Variants in BIRC6 observed in about 807,000 individuals in gnomAD.
The protein encoded by BIRC6 is baculoviral IAP repeat containing 6, also known as dual E2 ubiquitin-conjugating enzyme/E3 ubiquitin-protein ligase BIRC6.
In BIRC6, 98 loss-of-function variants were observed where a neutral mutation model predicts 503.3. The ratio of observed to expected loss-of-function variants is 0.19; its 90% CI spans 0.17 to 0.23. The LOEUF (loss-of-function observed/expected upper bound fraction) is 0.23. Among genes scored for constraint, BIRC6 ranks in the 10% least tolerant of loss-of-function variants. BIRC6 has a pLI of 1.00. For synonymous variants in BIRC6, 2,240 were observed against 2,078.7 expected (o/e 1.08, Z -2.11); for missense variants, 5,360 against 5,806.0 (o/e 0.92, Z 2.50).
At chr2:32,481,801 A>G (rs2050431944) in intron 38 of BIRC6, among the ~76,000 whole-genome samples, 1 of 152,040 alleles carries the variant, frequency 6.6e-6, no homozygotes, top group Non-Finnish European at 1.5e-5. Flanking sequence ...TTGAAAGGGA[A>G]GTTTTCAGTC....
chr2:32,476,909 A>G (rs902983292), intron 34 of BIRC6, among the ~76,000 whole-genome samples: 2 of 152,172 alleles, frequency 1.3e-5, no homozygotes, highest in Non-Finnish European at 2.9e-5. Context: ...ATTTTGAGGG[A>G]TACCGTGTAT....
chr2:32,527,960 A>G (rs1317006835), intron 59 of BIRC6: 4 of 152,184 alleles, frequency 2.6e-5, no homozygotes, highest in African/African-American at 9.7e-5. Context: ...TTAACAACAG[A>G]ATGAAAAACC....
In BIRC6 at chr2:32,401,635, T is replaced by TTA; in HGVS notation, c.1418+12_1418+13insTA. 6.2e-7 allele frequency: 1 copy of TTA among 1,606,874 alleles called. No individual in the cohort carries two copies. Among genetic ancestry groups the TTA allele is most frequent in the Non-Finnish European group, 8.5e-7 (1 of 1,177,038 alleles). Reference sequence around the variant, plus strand: ...TTGGAAGGAGATAGGTATGTGAGTTTGTTTTAGTAGTATTTAATAGATGTT... The same window carrying TTA: ...TTGGAAGGAGATAGGTATGTGAGTTTTAGTTTTAGTAGTATTTAATAGATGTT... On this transcript the variant is annotated intron_variant, in intron 8 of 73. Transcript: ENST00000421745.
chr2:32,378,807 T>C (rs1376788928), intron 2 of BIRC6: 1 of 152,236 alleles, frequency 6.6e-6, no homozygotes, highest in Non-Finnish European at 1.5e-5. Flanking sequence ...AACTTGAGTT[T>C]TAAGTTTTAG....
chr2:32,588,816 A>G (rs902890621), intron 66 of BIRC6, among the ~76,000 whole-genome samples: 3 of 152,186 alleles, frequency 2.0e-5, no homozygotes, highest in Admixed American at 2.0e-4. Context: ...CTTGAATTTA[A>G]ATATTATTAT....
intron 24 of BIRC6, among the ~76,000 whole-genome samples, chr2:32,464,135 G>A (rs1050947615): frequency 3.9e-5 from 6 of 152,136 alleles, no homozygotes; most frequent in African/African-American, 1.2e-4. Context: ...GTTGAGGACC[G>A]CTGGTTTAAA....
At position 32,575,145 on chromosome 2, in the gene BIRC6, T is replaced by A; in HGVS notation, c.13145-11T>A. ...TTGCTCATTTTGTGCTTTTTCTTCT[T>A]CTCCTTATAGTTCTGGACATGGCAA... On this transcript the variant is annotated splice_polypyrimidine_tract_variant and intron_variant, in intron 65 of 73. Transcript: ENST00000421745. The A allele has an allele frequency of 2.5e-6, 4 of 1,613,656 alleles. No homozygotes were observed. Among genetic ancestry groups the A allele is most frequent in the Non-Finnish European group, 3.4e-6 (4 of 1,179,636 alleles).
Position 32,482,555 on chromosome 2 carries a change from C to A in BIRC6, c.7669C>A (p.Gln2557Lys). 6.2e-7 allele frequency: 1 copy of A among 1,613,924 alleles called. No individual in the cohort carries two copies. Among genetic ancestry groups the A allele is most frequent in the Non-Finnish European group, 8.5e-7 (1 of 1,179,836 alleles). ...AGCAAACACGGAGAAGAACGGATCA[C>A]AGACAGTTAGCGTTTCAGTCTCTCA... is the stretch of plus-strand genomic sequence containing the variant. ...PPANTEKNGS[Q>K]TVSVSVSQAL... The change falls in exon 39 of 74, where the codon CAG (glutamine) becomes AAG (lysine). Residue 2557 changes from glutamine to lysine, a missense_variant. Physicochemically the swap from Gln to Lys is moderately conservative, Grantham distance 53. Transcript: ENST00000421745.
chr2:32,416,016 G>A lies in BIRC6; in HGVS notation c.2725G>A (p.Gly909Arg). ...TGGACACCTGGTAATAACCACTCAG[G>A]GAGGATATGTAAAAATACTAGATCT... ...TLGHLVITTQ[G>R]GYVKILDLSN... is the part of the protein sequence containing the mutation. Residue 909 changes from glycine to arginine, a missense_variant, in exon 10 of 74, where the codon GGA becomes AGA. By Grantham distance (125) the Gly-to-Arg change is moderately radical. Transcript: ENST00000421745. 1 of 1,613,874 alleles carries A rather than the reference G, an allele frequency of 6.2e-7. No homozygotes were observed. The highest frequency in any genetic ancestry group is 8.5e-7 in the Non-Finnish European group (1 of 1,179,864).
At position 32,547,864 on chromosome 2, in the gene BIRC6, C is replaced by A; in HGVS notation, c.12825C>A (p.Ser4275Arg). 1 of 1,568,972 alleles carries A rather than the reference C, an allele frequency of 6.4e-7. No homozygotes were observed. Among genetic ancestry groups the A allele is most frequent in the Admixed American group, 2.0e-5 (1 of 49,074 alleles). ...GTTATTTTAAGCCACAGGTGTCAAG[C>A]TCTCATAACCCTACATCAACAGAAG... ...SVNQTEPQVS[S>R]SHNPTSTEEQ... The change falls in exon 64 of 74, where the codon AGC becomes AGA. Residue 4275 changes from serine to arginine, a missense_variant. By Grantham distance (110) the Ser-to-Arg change is moderately radical. Transcript: ENST00000421745.
intron 12 of BIRC6, among the ~76,000 whole-genome samples, chr2:32,432,529 G>T (rs539945859): frequency 1.3e-5 from 2 of 152,206 alleles, no homozygotes; most frequent in Admixed American, 1.3e-4. Flanking sequence ...GACTGACGCA[G>T]GAGGATCACT....
chr2:32,518,547 T>C, intron 56 of BIRC6, 150 bp downstream of exon 56: 2 of 890,246 alleles, frequency 2.2e-6, no homozygotes, highest in Non-Finnish European at 3.3e-6. Flanking sequence ...CTTGACAATT[T>C]CAGGATAGCG....
chr2:32,370,061 TACACAC>T (rs71820292), intron 1 of BIRC6, among the ~76,000 whole-genome samples: 25 of 140,956 alleles, frequency 1.8e-4, no homozygotes, highest in African/African-American at 4.2e-4. Context: ...TGTGTATGTA[TACACAC>T]ACACACACAC....
rs1432986236 is a variant in BIRC6, at chr2:32,482,588, T to C, written c.7696+6T>C. The C allele has an allele frequency of 1.2e-6, 2 of 1,613,360 alleles. No homozygotes were observed. Among genetic ancestry groups the C allele is most frequent in the African/African-American group, 2.7e-5 (2 of 74,986 alleles). On this transcript the variant is annotated splice_donor_region_variant and intron_variant, in intron 39 of 73. Transcript: ENST00000421745. ...TAGCGTTTCAGTCTCTCAGGGTAAG[T>C]GTATGTTTATATTTTAAGACATATG... is the stretch of plus-strand genomic sequence containing the variant.
chr2:32,609,842 C>T (rs1049638267), intron 72 of BIRC6, among the ~76,000 whole-genome samples: 2 of 151,242 alleles, frequency 1.3e-5, no homozygotes, highest in Non-Finnish European at 2.9e-5. Flanking sequence ...ATGACTTTTA[C>T]AAAAAGCAAA....
chr2:32,616,677 T>C (rs1572431226), intron 73 of BIRC6, among the ~76,000 whole-genome samples: 1 of 152,122 alleles, frequency 6.6e-6, no homozygotes, highest in Non-Finnish European at 1.5e-5. Context: ...TATGGCCTAC[T>C]ACCTGATAAA....
intron 70 of BIRC6, among the ~76,000 whole-genome samples, chr2:32,601,306 G>A (rs2062037974): frequency 6.6e-6 from 1 of 152,238 alleles, no homozygotes; most frequent in African/African-American, 2.4e-5. Context: ...CCTACGCCGG[G>A]CGTGGTGGCT....
chr2:32,595,670 A>G (rs2151430161), intron 68 of BIRC6, among the ~76,000 whole-genome samples: 1 of 152,352 alleles, frequency 6.6e-6, no homozygotes, highest in Non-Finnish European at 1.5e-5. Flanking sequence ...GATGACCATT[A>G]TTAACTATTA....
At chr2:32,556,448 C>T (rs899095122) in intron 65 of BIRC6, among the ~76,000 whole-genome samples, 8 of 152,202 alleles carry the variant, frequency 5.3e-5, no homozygotes, top group Non-Finnish European at 1.0e-4. Context: ...TCACCTTTCA[C>T]ACTGTAGTCC....
Sources: allele counts gnomAD v4.1 joint callset (sites outside exome capture counted in the v4.1 genomes callset), GRCh38; gene constraint gnomAD v4.1.1; transcripts MANE v1.5; gene names NCBI Gene and HGNC (gene_info 2026-07-23, HGNC 2026-07-21).